Variants in DBNDD1 observed in about 807,000 individuals in gnomAD.
The protein encoded by DBNDD1 is dysbindin domain-containing protein 1.
In DBNDD1, 14 loss-of-function variants were observed where a neutral mutation model predicts 17.0. The observed-to-expected ratio is 0.82, with a 90% confidence interval of 0.54 to 1.29. The LOEUF is 1.29. Ranked by LOEUF, DBNDD1 falls within the 50% of genes most tolerant of loss-of-function variation. DBNDD1 has a pLI of 0.00. For synonymous variants in DBNDD1, 105 were observed against 102.0 expected, an observed-to-expected ratio of 1.03 and a Z score of -0.18; for missense variants, 221 against 216.2, an observed-to-expected ratio of 1.02 and a Z score of -0.14.
chr16:90,008,096 C>A (rs57349948), intron 3 of DBNDD1, among the ~76,000 whole-genome samples: 4 of 121,562 alleles, frequency 3.3e-5, no homozygotes, highest in African/African-American at 6.1e-5. Flanking sequence ...CAGCCCACCA[C>A]ACACACCTCC....
chr16:90,014,789 G>A (rs1431912401), intron 1 of DBNDD1, among the ~76,000 whole-genome samples: 1 of 152,072 alleles, frequency 6.6e-6, no homozygotes. Flanking sequence ...CGGATCACTT[G>A]AGGCCAGGAG....
At chr16:90,009,182 C>A in intron 2 of DBNDD1, 102 bp downstream of exon 2, 2 of 1,510,054 alleles carry the variant, frequency 1.3e-6, no homozygotes, top group Non-Finnish European at 1.8e-6. Flanking sequence ...GGACCTAGAC[C>A]CCCCAGGGAG....
In DBNDD1 at chr16:90,008,820, A is replaced by T. The variant is rs761341461; in HGVS notation, c.283T>A (p.Ser95Thr). The T allele has an allele frequency of 6.2e-7, 1 of 1,604,084 alleles. No individual in the cohort carries two copies. The highest frequency in any genetic ancestry group is 1.7e-5 in the Admixed American group (1 of 59,804). ...TCGGTGTTGAGGTTCTCGTCGTCCG[A>T]GTCAGCAAAGACCTCGGCCAGCTCC... ...DQELAEVFAD[S>T]DDENLNTESP... The change falls in exon 3 of 4, where the codon TCG becomes ACG. Residue 95 changes from serine (S) to threonine (T), a missense_variant. Ser to Thr is a moderately conservative substitution (Grantham distance 58). Coordinates refer to ENST00000002501, the MANE Select transcript of DBNDD1 (RefSeq NM_001042610.3).
rs2035414168 is a variant in DBNDD1, at chr16:90,005,952, T to G, written c.*383A>C. The G allele has an allele frequency of 5.3e-6, 1 of 189,538 alleles. No individual in the cohort carries two copies. Among genetic ancestry groups the G allele is most frequent in the Admixed American group, 5.2e-5 (1 of 19,088 alleles). The allele number at this position is 189,538 out of a possible 1,614,324, so 11.7% of individuals were successfully genotyped here. The stretch of plus-strand genomic sequence containing the variant: ...TGGCTGTCACAGGCCTGGGTCCCCT[T>G]CACCCCAAGGCCGCCGTGGGCCACT... On this transcript the variant is annotated 3_prime_UTR_variant, in exon 4 of 4. Transcript: ENST00000002501.
At chr16:90,012,268 C>T (rs1342344082) in intron 1 of DBNDD1, among the ~76,000 whole-genome samples, 1 of 152,184 alleles carries the variant, frequency 6.6e-6, no homozygotes, top group African/African-American at 2.4e-5. Flanking sequence ...ACGTCACCGG[C>T]CAGGAGGCCC....
In DBNDD1 at chr16:90,006,264, GT is replaced by G; in HGVS notation, c.*70del. On this transcript the variant is annotated 3_prime_UTR_variant, in exon 4 of 4. Transcript: ENST00000002501. ...TGGGCGGGTGAAGTGTGTCTGCTGG[GT>G]CAGCACTGCCCAGATCTGCCATCGT... 1 of 1,516,756 alleles carries G rather than the reference GT, an allele frequency of 6.6e-7. No homozygotes were observed. Among genetic ancestry groups the G allele is most frequent in the Non-Finnish European group, 8.9e-7 (1 of 1,127,056 alleles). 94.0% of individuals were successfully genotyped at this position (1,516,756 alleles called of 1,614,324 possible).
upstream of DBNDD1, chr16:90,019,789 G>A (rs1415536763): frequency 1.4e-6 from 1 of 690,394 alleles, no homozygotes; most frequent in Non-Finnish European, 2.6e-6. The surrounding 1 kb of genome is among the most constrained non-coding windows in gnomAD (Gnocchi z 6.1). Flanking sequence ...GTGGGGCGCC[G>A]ACTGTGTGCG....
At chr16:90,011,326 G>C (rs1002305983) in intron 1 of DBNDD1, among the ~76,000 whole-genome samples, 5 of 152,208 alleles carry the variant, frequency 3.3e-5, no homozygotes, top group Non-Finnish European at 7.4e-5. Context: ...GGTGGGCCTG[G>C]AGCGTCCGTC....
chr16:90,010,165 C>A (rs1231807090), intron 1 of DBNDD1: 10 of 889,504 alleles, frequency 1.1e-5, no homozygotes, highest in Non-Finnish European at 1.8e-5. Flanking sequence ...CCTGCCTCAT[C>A]CCCCTGAGTA....
Position 90,008,815 on chromosome 16 carries a change from G to T in DBNDD1, c.288C>A (p.Asp96Glu). Residue 96 changes from aspartate (D) to glutamate (E), a missense_variant, in exon 3 of 4, where the codon GAC (aspartate) becomes GAA (glutamate). Coordinates refer to ENST00000002501, the MANE Select transcript of DBNDD1 (RefSeq NM_001042610.3). ...QELAEVFADS[D>E]DENLNTESPA... ...GGGACTCGGTGTTGAGGTTCTCGTC[G>T]TCCGAGTCAGCAAAGACCTCGGCCA... 6.2e-7 allele frequency: 1 copy of T among 1,603,142 alleles called. No homozygotes were observed. The highest frequency in any genetic ancestry group is 1.1e-5 in the South Asian group (1 of 90,428).
chr16:90,006,256 T>A lies in DBNDD1; in HGVS notation c.*79A>T. ...GAGCCTCGTGGGCGGGTGAAGTGTG[T>A]CTGCTGGGTCAGCACTGCCCAGATC... On this transcript the variant is annotated 3_prime_UTR_variant, in exon 4 of 4. Transcript: ENST00000002501. 6.7e-7 allele frequency: 1 copy of A among 1,495,538 alleles called. No individual in the cohort carries two copies. The highest frequency in any genetic ancestry group is 9.0e-7 in the Non-Finnish European group (1 of 1,115,166). 92.6% of individuals were successfully genotyped at this position (1,495,538 alleles called of 1,614,324 possible). A position where few individuals can be genotyped will look rare whatever the true frequency, so the allele number is the denominator to read the frequency against.
rs1454116697 is a variant in DBNDD1, at chr16:90,006,245, G to T, written c.*90C>A. The T allele has an allele frequency of 4.1e-6, 6 of 1,471,752 alleles. No homozygotes were observed. The highest frequency in any genetic ancestry group is 4.5e-6 in the Non-Finnish European group (5 of 1,100,218). 91.2% of individuals were successfully genotyped at this position (1,471,752 alleles called of 1,614,324 possible). A position where few individuals can be genotyped will look rare whatever the true frequency, so the allele number is the denominator to read the frequency against. ...GGTGACGGCTGGAGCCTCGTGGGCG[G>T]GTGAAGTGTGTCTGCTGGGTCAGCA... On this transcript the variant is annotated 3_prime_UTR_variant, in exon 4 of 4. Coordinates refer to ENST00000002501, the MANE Select transcript of DBNDD1 (RefSeq NM_001042610.3).
chr16:90,012,910 A>T (rs899172260), intron 1 of DBNDD1, among the ~76,000 whole-genome samples: 5 of 151,126 alleles, frequency 3.3e-5, no homozygotes, highest in African/African-American at 9.7e-5. Flanking sequence ...GCTAATTAAA[A>T]TTTTTTTGGT....
intron 1 of DBNDD1, 61 bp from the exon 2 acceptor site, chr16:90,009,491 G>A (rs1232518476): frequency 1.1e-5 from 18 of 1,593,652 alleles, no homozygotes; most frequent in East Asian, 4.5e-5. Context: ...CCCCCAGGAC[G>A]CGGGGCTGGG....
intron 1 of DBNDD1, among the ~76,000 whole-genome samples, chr16:90,015,608 A>G (rs11647253): frequency 0.052 from 7,993 of 152,252 alleles, 290 homozygotes; most frequent in East Asian, 0.14. Flanking sequence ...AAATAATCCA[A>G]TGTCCTCAGT....
At chr16:90,013,250 G>A (rs957014899) in intron 1 of DBNDD1, among the ~76,000 whole-genome samples, 28 of 26,784 alleles carry the variant, frequency 1.0e-3, no homozygotes, top group Non-Finnish European at 2.2e-3. Context: ...GCAACAGAGC[G>A]AAACCTTGCC....
Position 90,006,431 on chromosome 16 carries a change from A to G in DBNDD1, c.381T>C (p.Ala127=). 1 of 1,603,280 alleles carries G rather than the reference A, an allele frequency of 6.2e-7. No individual in the cohort carries two copies. The highest frequency in any genetic ancestry group is 8.5e-7 in the Non-Finnish European group (1 of 1,179,812). Residue 127 remains alanine (A), a synonymous_variant, in exon 4 of 4, where the codon GCT becomes GCC. Transcript: ENST00000002501. The part of the protein sequence containing the change: ...LRSPSWTRTR[A]EQSHEKQPLG... ...GGGGCTGCTTCTCGTGGCTCTGCTCAGCCCTTGTCCTCGTCCAGGAAGGGG... is the reference window on the plus strand; with the variant it reads ...GGGGCTGCTTCTCGTGGCTCTGCTCGGCCCTTGTCCTCGTCCAGGAAGGGG...
Position 90,004,903 on chromosome 16 carries a change from T to A in DBNDD1, c.*1432A>T, listed in dbSNP as rs923826015. 6.5e-6 allele frequency: 1 copy of A among 152,684 alleles called. No individual in the cohort carries two copies. Among genetic ancestry groups the A allele is most frequent in the African/African-American group, 2.4e-5 (1 of 41,440 alleles). The allele number at this position is 152,684 out of a possible 1,614,324, so 9.5% of individuals were successfully genotyped here. On this transcript the variant is annotated 3_prime_UTR_variant, in exon 4 of 4. Coordinates refer to ENST00000002501, the MANE Select transcript of DBNDD1 (RefSeq NM_001042610.3). ...GCGCAGTGATGCTTTAATCCCCCTG[T>A]TTGCAAACGAGCTCTGTGGAAGCTC...
intron 1 of DBNDD1, among the ~76,000 whole-genome samples, chr16:90,016,520 G>A (rs2035645308): frequency 6.6e-6 from 1 of 152,118 alleles, no homozygotes; most frequent in Admixed American, 6.5e-5. Flanking sequence ...ACACAGCAAT[G>A]TTCTGGTCCT....
Sources: allele counts gnomAD v4.1 joint callset (sites outside exome capture counted in the v4.1 genomes callset), GRCh38; gene constraint gnomAD v4.1.1; non-coding constraint Gnocchi (gnomAD v3.1); transcripts MANE v1.5; gene names NCBI Gene and HGNC (gene_info 2026-07-23, HGNC 2026-07-21).